STAG1: variants seen among roughly 807,000 people sequenced by gnomAD.
The protein encoded by STAG1 is STAG1 cohesin complex component.
In STAG1, 26 loss-of-function variants were observed where a neutral mutation model predicts 170.9. The observed-to-expected ratio is 0.15, with a 90% CI of 0.11 to 0.21. STAG1 has a LOEUF of 0.21. Among genes scored for constraint, STAG1 ranks in the 10% least tolerant of loss-of-function variants. The probability of loss-of-function intolerance (pLI) is 1.00; values close to 1 mark genes in which losing one functional copy is unlikely to be tolerated. For synonymous variants in STAG1, 514 were observed against 497.7 expected (o/e 1.03, Z -0.44); for missense variants, 964 against 1,509.5 (o/e 0.64, Z 5.99).
At chr3:136,464,814 C>A (rs1576493839) in intron 13 of STAG1, 67 bp downstream of exon 13, 5 of 1,364,404 alleles carry the variant, frequency 3.7e-6, no homozygotes, top group East Asian at 4.8e-5. Context: ...CTCTCTTCTA[C>A]AAACTCTAAA....
intron 26 of STAG1, among the ~76,000 whole-genome samples, chr3:136,362,828 G>A (rs890716068): frequency 1.6e-4 from 24 of 151,600 alleles, no homozygotes; most frequent in African/African-American, 5.8e-4. Flanking sequence ...TACACAGTCA[G>A]CTGACCCATC....
chr3:136,561,403 A>T (rs1196534113), intron 5 of STAG1, among the ~76,000 whole-genome samples: 1 of 152,208 alleles, frequency 6.6e-6, no homozygotes, highest in Non-Finnish European at 1.5e-5. Context: ...TTTTGCCCTT[A>T]AACTCTTGAT....
At chr3:136,369,403 GTATT>G (rs777236839) in intron 23 of STAG1, 121 bp from the exon 24 acceptor site, 1 of 695,444 alleles carries the variant, frequency 1.4e-6, no homozygotes, top group Non-Finnish European at 2.1e-6. Flanking sequence ...TAAATTTTCA[GTATT>G]TAAATTCCAA....
intron 3 of STAG1, among the ~76,000 whole-genome samples, chr3:136,608,008 GCAC>G (rs1559906262): frequency 3.3e-5 from 5 of 152,158 alleles, no homozygotes; most frequent in Admixed American, 1.3e-4. Context: ...TGTAATCCCA[GCAC>G]CTTGGGAGGC....
intron 3 of STAG1, among the ~76,000 whole-genome samples, chr3:136,605,572 C>A (rs1576658113): frequency 6.6e-6 from 1 of 152,118 alleles, no homozygotes; most frequent in South Asian, 2.1e-4. Flanking sequence ...GTATTTCTTA[C>A]CTGCTAGTAT....
intron 12 of STAG1, among the ~76,000 whole-genome samples, chr3:136,466,445 T>C (rs1309738920): frequency 6.6e-6 from 1 of 151,624 alleles, no homozygotes; most frequent in Non-Finnish European, 1.5e-5. Flanking sequence ...AGAAGAGAAG[T>C]TAAGAGAAAA....
intron 1 of STAG1, among the ~76,000 whole-genome samples, chr3:136,694,195 AGTTGATACT>A (rs1942810562): frequency 6.6e-6 from 1 of 152,192 alleles, no homozygotes; most frequent in Admixed American, 6.5e-5. Context: ...ATTCTTTGCA[AGTTGATACT>A]TATCCCAATA....
chr3:136,627,428 T>C (rs1424023836), intron 2 of STAG1, among the ~76,000 whole-genome samples: 2 of 152,154 alleles, frequency 1.3e-5, no homozygotes, highest in Admixed American at 6.6e-5. Flanking sequence ...AATATAAATA[T>C]CAATATTTCA....
chr3:136,668,843 T>C (rs1489531326), intron 1 of STAG1, among the ~76,000 whole-genome samples: 1 of 152,196 alleles, frequency 6.6e-6, no homozygotes, highest in African/African-American at 2.4e-5. Flanking sequence ...AGAGACTTCC[T>C]TCAAGGGAGA....
intron 1 of STAG1, among the ~76,000 whole-genome samples, chr3:136,690,264 T>C (rs1319793863): frequency 6.6e-6 from 1 of 151,846 alleles, no homozygotes; most frequent in African/African-American, 2.4e-5. Flanking sequence ...TGAGAGAGAG[T>C]CTCACTCTGT....
At chr3:136,719,392 T>C (rs1189527984) in intron 1 of STAG1, among the ~76,000 whole-genome samples, 4 of 151,994 alleles carry the variant, frequency 2.6e-5, no homozygotes, top group African/African-American at 4.8e-5. Flanking sequence ...ATTTTCTTCT[T>C]TGGGGGGTGA....
chr3:136,467,088 G>GC (rs2089485141), intron 12 of STAG1, among the ~76,000 whole-genome samples: 1 of 152,144 alleles, frequency 6.6e-6, no homozygotes, highest in Non-Finnish European at 1.5e-5. Context: ...GAAAGAAACC[G>GC]CATCAACTAA....
At chr3:136,498,897 C>T (rs1021698911) in intron 9 of STAG1, among the ~76,000 whole-genome samples, 1 of 152,100 alleles carries the variant, frequency 6.6e-6, no homozygotes, top group Non-Finnish European at 1.5e-5. Context: ...TGTTTAAGTT[C>T]CATTAAAATA....
At chr3:136,425,389 A>G (rs546625758) in intron 16 of STAG1, among the ~76,000 whole-genome samples, 2 of 152,308 alleles carry the variant, frequency 1.3e-5, no homozygotes, top group South Asian at 2.1e-4. Flanking sequence ...ATGAATATAT[A>G]TATCTGTATG....
At chr3:136,545,503 G>A (rs1185343453) in intron 5 of STAG1, among the ~76,000 whole-genome samples, 1 of 152,194 alleles carries the variant, frequency 6.6e-6, no homozygotes, top group African/African-American at 2.4e-5. Context: ...TACTAAAACT[G>A]AGAAGGATTC....
chr3:136,410,252 T>A (rs1017175085), intron 21 of STAG1, among the ~76,000 whole-genome samples: 6 of 150,796 alleles, frequency 4.0e-5, no homozygotes, highest in South Asian at 2.1e-4. Flanking sequence ...ATACAAAAAT[T>A]ATCTCGGTGT....
At chr3:136,660,109 C>T (rs1025022577) in intron 1 of STAG1, among the ~76,000 whole-genome samples, 1 of 152,168 alleles carries the variant, frequency 6.6e-6, no homozygotes, top group Non-Finnish European at 1.5e-5. Flanking sequence ...TTCACAGATA[C>T]ATGACAAATG....
At chr3:136,512,163 C>G (rs1460539127) in intron 7 of STAG1, among the ~76,000 whole-genome samples, 2 of 148,124 alleles carry the variant, frequency 1.4e-5, no homozygotes, top group Non-Finnish European at 3.0e-5. Context: ...GGAAAATTAG[C>G]CAGGTGTGAT....
At chr3:136,747,202 A>G (rs551141385) in intron 1 of STAG1, among the ~76,000 whole-genome samples, 4 of 149,172 alleles carry the variant, frequency 2.7e-5, no homozygotes, top group Non-Finnish European at 5.9e-5. Context: ...GAACCTGGGA[A>G]GCGAAGGTTG....
Sources: gnomAD v4.1 joint callset for allele counts (sites outside exome capture counted in the v4.1 genomes callset) on GRCh38, gnomAD v4.1.1 for gene constraint, MANE v1.5 for transcripts, NCBI Gene and HGNC (gene_info 2026-07-23, HGNC 2026-07-21) for gene names.